Variants in MACC1 observed in about 807,000 individuals in gnomAD.
MACC1 encodes the protein metastasis-associated in colon cancer protein 1.
MACC1 carries 79 observed loss-of-function variants against 70.7 expected under a neutral mutation model. That is an observed-to-expected ratio of 1.12 (90% confidence interval 0.93 to 1.35). The LOEUF (loss-of-function observed/expected upper bound fraction) is 1.35, where lower values mean the gene tolerates loss of function less well. MACC1 is among the 40% of genes most tolerant of loss of function. The pLI is 0.00. For missense variants in MACC1, 1,106 were observed against 978.1 expected, an observed-to-expected ratio of 1.13 and a Z score of -1.74; for synonymous variants, 361 against 347.2, an observed-to-expected ratio of 1.04 and a Z score of -0.44.
chr7:20,145,892 G>A (rs574430091), intron 6 of MACC1, among the ~76,000 whole-genome samples: 138 of 152,184 alleles, frequency 9.1e-4, no homozygotes, highest in Non-Finnish European at 1.6e-3. Flanking sequence ...GGGGGTGGTG[G>A]CTCACGCAAG....
At chr7:20,204,945 T>G (rs1241153968) in intron 1 of MACC1, among the ~76,000 whole-genome samples, 1 of 152,212 alleles carries the variant, frequency 6.6e-6, no homozygotes, top group African/African-American at 2.4e-5. Context: ...GAGCCTCTCC[T>G]AGCACCCTAG....
intron 1 of MACC1, among the ~76,000 whole-genome samples, chr7:20,188,084 T>C (rs1782616833): frequency 6.6e-6 from 1 of 152,052 alleles, no homozygotes; most frequent in Admixed American, 6.6e-5. Context: ...GAAAGCCCCT[T>C]ATAAAACCAC....
At position 20,151,883 on chromosome 7, in the gene MACC1, C is replaced by T. The variant is rs186587183; in HGVS notation, c.2346+2310G>A. ...AGTCACCATATTAAACAGTGATGGA[C>T]AGAGTGTAATGGTTAAAGTCATGGA... On this transcript the variant is annotated intron_variant, in intron 6 of 6. Coordinates refer to ENST00000400331, the MANE Select transcript of MACC1 (RefSeq NM_182762.4). Among the ~76,000 whole-genome samples, 13 of 152,210 alleles carry T rather than the reference C, an allele frequency of 8.5e-5. No homozygotes were observed. In the East Asian group the frequency reaches 1.9e-3, roughly 23 times the overall value.
chr7:20,172,944 G>T (rs1407625263), intron 1 of MACC1, among the ~76,000 whole-genome samples: 2 of 152,182 alleles, frequency 1.3e-5, no homozygotes, highest in Non-Finnish European at 2.9e-5. Flanking sequence ...CCTGGTGCCA[G>T]GTTGGGGTCT....
intron 2 of MACC1, 76 bp downstream of exon 2, chr7:20,170,638 C>T (rs2128104323): frequency 6.6e-6 from 1 of 152,340 alleles, no homozygotes; most frequent in South Asian, 2.1e-4. Flanking sequence ...TGAGTTGTTA[C>T]TGTATGGAAT....
At chr7:20,167,123 A>G (rs1301515879) in intron 2 of MACC1, among the ~76,000 whole-genome samples, 1 of 152,128 alleles carries the variant, frequency 6.6e-6, no homozygotes, top group Non-Finnish European at 1.5e-5. Context: ...GGTATCATGC[A>G]TGGCTTTTCT....
intron 1 of MACC1, among the ~76,000 whole-genome samples, chr7:20,192,530 A>G (rs980814101): frequency 1.4e-4 from 22 of 152,296 alleles, no homozygotes; most frequent in African/African-American, 5.3e-4. Context: ...ATGAATGGGT[A>G]CCCATCTTGA....
intron 1 of MACC1, among the ~76,000 whole-genome samples, chr7:20,200,111 C>T (rs1782811365): frequency 6.6e-6 from 1 of 151,404 alleles, no homozygotes; most frequent in East Asian, 1.9e-4. Flanking sequence ...AAATAAAATT[C>T]ATAATAAAAT....
intron 1 of MACC1, among the ~76,000 whole-genome samples, chr7:20,211,251 T>C (rs1782992176): frequency 6.6e-6 from 1 of 152,104 alleles, no homozygotes; most frequent in South Asian, 2.1e-4. Flanking sequence ...TAGCATTATC[T>C]GCTCCTCCTC....
chr7:20,141,231 T>C (rs2128099625), intron 6 of MACC1, 73 bp from the exon 7 acceptor site: 1 of 988,858 alleles, frequency 1.0e-6, no homozygotes. Context: ...AAAAAAAAGA[T>C]GTAAAAAGCC....
At chr7:20,181,083 T>A (rs1288378346) in intron 1 of MACC1, among the ~76,000 whole-genome samples, 1 of 78,914 alleles carries the variant, frequency 1.3e-5, no homozygotes, top group African/African-American at 4.9e-5. Context: ...ATGTGCTCTG[T>A]GTGTGTGTGT....
intron 1 of MACC1, among the ~76,000 whole-genome samples, chr7:20,214,455 C>T (rs1174076418): frequency 3.3e-5 from 5 of 152,096 alleles, no homozygotes; most frequent in African/African-American, 9.7e-5. Context: ...CAATTGCCAC[C>T]TGAACTACTT....
chr7:20,203,028 C>T (rs1246751401), intron 1 of MACC1, among the ~76,000 whole-genome samples: 1 of 152,084 alleles, frequency 6.6e-6, no homozygotes, highest in Non-Finnish European at 1.5e-5. Context: ...TTTTGTCCAC[C>T]ACTGTGCTTT....
chr7:20,194,048 C>T (rs2128107468), intron 1 of MACC1, among the ~76,000 whole-genome samples: 1 of 152,240 alleles, frequency 6.6e-6, no homozygotes. Flanking sequence ...TGACTCCTCA[C>T]TTGCTGGGAG....
rs1781759997 is a variant in MACC1 at position 20,139,066 on chromosome 7, T to C, written c.*1880A>G. Reference sequence around the variant, plus strand: ...AAAAGCCCTAAAAAGATTCTGCTTTTACTTTTTAGCCAAATGGACATCTTT... The same window carrying C: ...AAAAGCCCTAAAAAGATTCTGCTTTCACTTTTTAGCCAAATGGACATCTTT... On this transcript the variant is annotated 3_prime_UTR_variant, in exon 7 of 7. Transcript: ENST00000400331. The C allele has an allele frequency of 6.6e-6, 1 of 152,222 alleles. No homozygotes were observed. Among genetic ancestry groups the C allele is most frequent in the Non-Finnish European group, 1.5e-5 (1 of 68,046 alleles). The allele number at this position is 152,222 out of a possible 1,614,324, so 9.4% of individuals were successfully genotyped here.
chr7:20,183,111 G>C (rs1158183262), intron 1 of MACC1, among the ~76,000 whole-genome samples: 2 of 152,146 alleles, frequency 1.3e-5, no homozygotes, highest in Non-Finnish European at 2.9e-5. Flanking sequence ...GACATTGTAT[G>C]GCAAAAGGGA....
At chr7:20,152,076 T>C (rs145003147) in intron 6 of MACC1, among the ~76,000 whole-genome samples, 2,127 of 152,250 alleles carry the variant, frequency 0.014, 45 homozygotes, top group Admixed American at 0.04. Context: ...CAGAACAGTG[T>C]CTGTCACGGA....
intron 1 of MACC1, among the ~76,000 whole-genome samples, chr7:20,204,742 C>A (rs1019994676): frequency 1.3e-5 from 2 of 152,176 alleles, no homozygotes; most frequent in African/African-American, 4.8e-5. Context: ...ATAAAAATTG[C>A]ATTCACACTG....
intron 1 of MACC1, among the ~76,000 whole-genome samples, chr7:20,208,201 T>C (rs1782941802): frequency 6.6e-6 from 1 of 152,190 alleles, no homozygotes; most frequent in Non-Finnish European, 1.5e-5. Flanking sequence ...AGCGTAAACA[T>C]GGACTAATGC....
Sources: allele counts gnomAD v4.1 joint callset (sites outside exome capture counted in the v4.1 genomes callset), GRCh38; gene constraint gnomAD v4.1.1; transcripts MANE v1.5; gene names NCBI Gene and HGNC (gene_info 2026-07-23, HGNC 2026-07-21).